LGR4: variants seen among roughly 807,000 people sequenced by gnomAD.
LGR4 encodes the protein leucine rich repeat containing G protein-coupled receptor 4.
A neutral mutation model predicts 84.8 loss-of-function variants in LGR4; 44 were observed. That is an observed-to-expected ratio of 0.52 (90% confidence interval 0.41 to 0.67). The LOEUF (loss-of-function observed/expected upper bound fraction) is 0.67. Ranked by LOEUF, LGR4 falls within the 30% of genes least tolerant of loss-of-function variation. LGR4 has a pLI of 0.00. For missense variants in LGR4, 1,032 were observed against 1,131.4 expected (o/e 0.91, Z 1.26); for synonymous variants, 429 against 434.3 (o/e 0.99, Z 0.15).
intron 1 of LGR4, among the ~76,000 whole-genome samples, chr11:27,414,417 A>G (rs1056512049): frequency 3.9e-5 from 6 of 152,044 alleles, no homozygotes; most frequent in African/African-American, 1.4e-4. Flanking sequence ...AGAAAAAAGA[A>G]AAAGAGGACC....
intron 1 of LGR4, among the ~76,000 whole-genome samples, chr11:27,427,963 G>A (rs1005025950): frequency 3.3e-5 from 5 of 152,092 alleles, no homozygotes; most frequent in Admixed American, 6.6e-5. Flanking sequence ...AGCCAAAATT[G>A]TAACCCGATG....
chr11:27,426,967 G>A (rs1864033722), intron 1 of LGR4, among the ~76,000 whole-genome samples: 1 of 152,212 alleles, frequency 6.6e-6, no homozygotes, highest in South Asian at 2.1e-4. Context: ...ACAGTGGGGT[G>A]AGTCCCTCCC....
At chr11:27,467,795 A>T (rs1864806545) in intron 1 of LGR4, among the ~76,000 whole-genome samples, 1 of 152,154 alleles carries the variant, frequency 6.6e-6, no homozygotes, top group African/African-American at 2.4e-5. Context: ...TAAAGAGAAC[A>T]CATGGTTCAC....
intron 1 of LGR4, among the ~76,000 whole-genome samples, chr11:27,432,233 C>T (rs554414769): frequency 4.6e-5 from 7 of 152,340 alleles, no homozygotes; most frequent in Admixed American, 1.3e-4. Context: ...TCCTACTGTA[C>T]GCTAGCAGCC....
intron 2 of LGR4, among the ~76,000 whole-genome samples, chr11:27,394,640 T>G (rs182054764): frequency 1.3e-5 from 2 of 152,250 alleles, no homozygotes; most frequent in East Asian, 3.9e-4. Context: ...TGACCTCAAA[T>G]GATCCGCCTG....
chr11:27,407,543 A>G (rs1207744424), intron 2 of LGR4, among the ~76,000 whole-genome samples: 1 of 152,302 alleles, frequency 6.6e-6, no homozygotes, highest in East Asian at 1.9e-4. Context: ...TTTTTAGCAC[A>G]TAATTAAGTT....
At chr11:27,453,804 T>G (rs1457127792) in intron 1 of LGR4, among the ~76,000 whole-genome samples, 1 of 152,202 alleles carries the variant, frequency 6.6e-6, no homozygotes, top group Non-Finnish European at 1.5e-5. Flanking sequence ...AAAATAAAAT[T>G]CTAAGGGCCC....
chr11:27,382,946 G>A (rs907572980), intron 6 of LGR4, among the ~76,000 whole-genome samples: 1 of 152,194 alleles, frequency 6.6e-6, no homozygotes, highest in African/African-American at 2.4e-5. Context: ...GAACCTGGGA[G>A]ACGGAGGTTG....
At chr11:27,401,532 C>A (rs933149146) in intron 2 of LGR4, among the ~76,000 whole-genome samples, 1 of 152,172 alleles carries the variant, frequency 6.6e-6, no homozygotes, top group South Asian at 2.1e-4. Context: ...AAAAAAAATA[C>A]AGCTAACGTC....
chr11:27,402,392 C>G (rs1396870899), intron 2 of LGR4, among the ~76,000 whole-genome samples: 1 of 143,628 alleles, frequency 7.0e-6, no homozygotes, highest in Non-Finnish European at 1.5e-5. Context: ...ACAGACCCTC[C>G]TGGGGAAGAG....
At chr11:27,384,268 C>T (rs1554965724) in intron 6 of LGR4, 68 bp downstream of exon 6, 9 of 1,003,162 alleles carry the variant, frequency 9.0e-6, no homozygotes, top group Admixed American at 6.3e-5. Context: ...TTTTCTTTTT[C>T]TGCAGTGAAG....
intron 2 of LGR4, among the ~76,000 whole-genome samples, chr11:27,401,744 C>A (rs1003669950): frequency 3.3e-5 from 5 of 152,066 alleles, no homozygotes; most frequent in African/African-American, 7.2e-5. Context: ...GAGAAGAAAT[C>A]CTTTGTCTTA....
intron 1 of LGR4, among the ~76,000 whole-genome samples, chr11:27,446,986 G>A (rs1030523640): frequency 6.6e-6 from 1 of 150,900 alleles, no homozygotes; most frequent in African/African-American, 2.4e-5. Flanking sequence ...ACTGAATAAT[G>A]AGAACACTTG....
chr11:27,443,657 T>C (rs1040912322), intron 1 of LGR4, among the ~76,000 whole-genome samples: 9 of 152,234 alleles, frequency 5.9e-5, no homozygotes, highest in African/African-American at 1.9e-4. Flanking sequence ...AAGAGAACTC[T>C]GGGACAGCTA....
At chr11:27,444,094 GA>G (rs5790651) in intron 1 of LGR4, among the ~76,000 whole-genome samples, 6 of 149,166 alleles carry the variant, frequency 4.0e-5, no homozygotes, top group South Asian at 2.1e-4. Context: ...TGTATTTAAA[GA>G]AAAAAAAAAT....
chr11:27,437,833 C>A (rs1864238057), intron 1 of LGR4, among the ~76,000 whole-genome samples: 1 of 151,970 alleles, frequency 6.6e-6, no homozygotes, highest in Non-Finnish European at 1.5e-5. Flanking sequence ...GAGATTCTGT[C>A]TCTACAAAAA....
intron 1 of LGR4, among the ~76,000 whole-genome samples, chr11:27,421,027 A>T (rs1863915517): frequency 6.6e-6 from 1 of 152,166 alleles, no homozygotes; most frequent in Non-Finnish European, 1.5e-5. Flanking sequence ...AGAAATCAGA[A>T]CTTTATTCTA....
chr11:27,371,493 C>G, intron 17 of LGR4, 122 bp downstream of exon 17: 1 of 606,660 alleles, frequency 1.6e-6, no homozygotes, highest in Non-Finnish European at 2.8e-6. Flanking sequence ...AATCAGAAGG[C>G]CTCACAGGAT....
At chr11:27,372,498 G>A in intron 15 of LGR4, 100 bp from the exon 16 acceptor site, 1 of 730,188 alleles carries the variant, frequency 1.4e-6, no homozygotes, top group East Asian at 2.5e-5. Flanking sequence ...CAGCCTAGGA[G>A]TCAGAAAGAT....
Sources: allele counts gnomAD v4.1 joint callset (sites outside exome capture counted in the v4.1 genomes callset), GRCh38; gene constraint gnomAD v4.1.1; transcripts MANE v1.5; gene names NCBI Gene and HGNC (gene_info 2026-07-23, HGNC 2026-07-21).